The following ATXN2 variants were observed in gnomAD, a reference collection of about 807,000 sequenced individuals.
The protein encoded by ATXN2 is ataxin 2, also known as ataxin-2.
In ATXN2, 37 loss-of-function variants were observed where a neutral mutation model predicts 138.6. The observed-to-expected ratio is 0.27, with a 90% confidence interval of 0.21 to 0.35. The LOEUF is 0.35. Among genes scored for constraint, ATXN2 ranks in the 10% least tolerant of loss-of-function variants. ATXN2 has a pLI of 1.00. For synonymous variants in ATXN2, 549 were observed against 543.7 expected, an observed-to-expected ratio of 1.01 and a Z score of -0.13; for missense variants, 1,216 against 1,480.3, an observed-to-expected ratio of 0.82 and a Z score of 2.93.
chr12:111,456,751 T>A (rs563841485), intron 22 of ATXN2, among the ~76,000 whole-genome samples: 52 of 152,288 alleles, frequency 3.4e-4, no homozygotes, highest in East Asian at 1.4e-3. Context: ...TGATTTTTTT[T>A]AATTTTTTAT....
At chr12:111,545,529 A>G (rs1881758495) in intron 5 of ATXN2, among the ~76,000 whole-genome samples, 2 of 152,108 alleles carry the variant, frequency 1.3e-5, no homozygotes, top group African/African-American at 4.8e-5. Context: ...ACGCCACTGC[A>G]CTTCAGCCTG....
At chr12:111,476,384 G>A (rs1876815540) in intron 18 of ATXN2, among the ~76,000 whole-genome samples, 2 of 151,642 alleles carry the variant, frequency 1.3e-5, no homozygotes, top group African/African-American at 4.8e-5. Context: ...AATAGTGAAA[G>A]ACAATGTCTC....
chr12:111,599,626 G>A (rs558921374), upstream of ATXN2: 24 of 1,079,872 alleles, frequency 2.2e-5, no homozygotes, highest in South Asian at 6.7e-4. Flanking sequence ...CCCCGGGGCC[G>A]GGAGGGACAC....
intron 10 of ATXN2, 71 bp from the exon 11 acceptor site, chr12:111,513,610 C>G: frequency 2.2e-6 from 3 of 1,365,188 alleles, no homozygotes; most frequent in East Asian, 4.9e-5. Flanking sequence ...GCTAAATACA[C>G]CCATTCACAC....
intron 1 of ATXN2, among the ~76,000 whole-genome samples, chr12:111,565,272 G>A (rs1566067421): frequency 6.6e-6 from 1 of 152,056 alleles, no homozygotes; most frequent in African/African-American, 2.4e-5. Context: ...TTTTTGACAA[G>A]CTGACCGTCT....
At chr12:111,553,464 A>G (rs1008290409) in intron 3 of ATXN2, among the ~76,000 whole-genome samples, 1 of 150,922 alleles carries the variant, frequency 6.6e-6, no homozygotes, top group African/African-American at 2.4e-5. Flanking sequence ...GTAATACCTA[A>G]TATAATGTAA....
rs376400619 is a variant in ATXN2 at position 111,496,766 on chromosome 12, T to G, written c.1936-7986A>C. On this transcript the variant is annotated intron_variant, in intron 14 of 24. Coordinates refer to ENST00000673436, the MANE Select transcript of ATXN2 (RefSeq NM_001372574.1). ...ACAATAAGAGGAATGTTTACAGCAGTAAGTGCCTACATCAAAAAAGTGGAA... is the reference window on the plus strand; with the variant it reads ...ACAATAAGAGGAATGTTTACAGCAGGAAGTGCCTACATCAAAAAAGTGGAA... Among the ~76,000 whole-genome samples the G allele has an allele frequency of 3.9e-5, 6 of 152,094 alleles. 1 individual carries two copies. In the South Asian group the frequency reaches 1.2e-3, roughly 32 times the overall value.
chr12:111,587,073 CAAAAAAAA>C (rs374631048), intron 1 of ATXN2, among the ~76,000 whole-genome samples: 17 of 112,886 alleles, frequency 1.5e-4, no homozygotes, highest in Non-Finnish European at 3.0e-4. Context: ...CCATTTCTAC[CAAAAAAAA>C]AAAAAAAAAA....
intron 14 of ATXN2, among the ~76,000 whole-genome samples, chr12:111,507,750 C>T (rs952509851): frequency 6.6e-6 from 1 of 152,242 alleles, no homozygotes; most frequent in African/African-American, 2.4e-5. Flanking sequence ...ATTGAGAAAT[C>T]GGATGGTTGC....
At chr12:111,460,613 T>A (rs1467713283) in intron 21 of ATXN2, among the ~76,000 whole-genome samples, 1 of 151,814 alleles carries the variant, frequency 6.6e-6, no homozygotes, top group Non-Finnish European at 1.5e-5. Flanking sequence ...ATTCAAGAAA[T>A]TTTGTACTAA....
chr12:111,453,488 G>C lies in ATXN2; in HGVS notation c.3439+189C>G, dbSNP rs904908239. The stretch of plus-strand genomic sequence containing the variant: ...CCTGTATACCATCAGAACACACACA[G>C]ACTCGGCTCCCGGAAGCCTCAGGCC... On this transcript the variant is annotated intron_variant, in intron 24 of 24. Coordinates refer to ENST00000673436, the MANE Select transcript of ATXN2 (RefSeq NM_001372574.1). The surrounding 1 kb of genome is among the most constrained non-coding windows in gnomAD (Gnocchi z 5.4). 16 of 1,335,396 alleles carry C rather than the reference G, an allele frequency of 1.2e-5. No individual in the cohort carries two copies. Among genetic ancestry groups the C allele is most frequent in the Non-Finnish European group, 1.3e-5 (14 of 1,046,574 alleles). 82.7% of individuals were successfully genotyped at this position (1,335,396 alleles called of 1,614,324 possible). A position where few individuals can be genotyped will look rare whatever the true frequency, so the allele number is the denominator to read the frequency against.
chr12:111,498,100 C>A (rs1366999496), intron 14 of ATXN2, among the ~76,000 whole-genome samples: 1 of 151,988 alleles, frequency 6.6e-6, no homozygotes, highest in African/African-American at 2.4e-5. Flanking sequence ...ATGACAGACC[C>A]ATAACTAGTA....
chr12:111,536,651 T>C (rs1471951025), intron 5 of ATXN2, among the ~76,000 whole-genome samples: 1 of 151,852 alleles, frequency 6.6e-6, no homozygotes, highest in Admixed American at 6.6e-5. Context: ...AGCCCAACAG[T>C]TATGTAAAAG....
At chr12:111,584,388 A>C (rs1884202014) in intron 1 of ATXN2, among the ~76,000 whole-genome samples, 1 of 138,372 alleles carries the variant, frequency 7.2e-6, no homozygotes, top group Admixed American at 7.0e-5. Flanking sequence ...AAAAAAAAAA[A>C]AAAAAAAAAA....
At chr12:111,567,728 C>A (rs1050664836) in intron 1 of ATXN2, among the ~76,000 whole-genome samples, 1 of 151,782 alleles carries the variant, frequency 6.6e-6, no homozygotes, top group South Asian at 2.1e-4. Context: ...ACAAGAGAAT[C>A]GCTTCAACTC....
At chr12:111,518,726 T>C (rs903765128) in intron 8 of ATXN2, among the ~76,000 whole-genome samples, 2 of 152,176 alleles carry the variant, frequency 1.3e-5, no homozygotes, top group Non-Finnish European at 2.9e-5. Flanking sequence ...TTCACAACAT[T>C]TTTTGTCCTT....
intron 18 of ATXN2, among the ~76,000 whole-genome samples, chr12:111,473,264 A>G (rs1426533167): frequency 6.7e-6 from 1 of 149,882 alleles, no homozygotes; most frequent in East Asian, 2.0e-4. Context: ...ACAGAGCCAG[A>G]CCTTGTCTCC....
intron 10 of ATXN2, among the ~76,000 whole-genome samples, chr12:111,514,972 GTTT>G (rs532816127): frequency 2.4e-3 from 358 of 152,274 alleles, no homozygotes; most frequent in African/African-American, 8.4e-3. Flanking sequence ...TAATGATCAT[GTTT>G]TATTTAATAT....
intron 5 of ATXN2, among the ~76,000 whole-genome samples, chr12:111,543,221 C>G (rs1246077346): frequency 2.0e-5 from 3 of 152,096 alleles, no homozygotes; most frequent in African/African-American, 7.2e-5. Context: ...AAGTTGAGGC[C>G]GTAAACAGCT....
Sources: allele counts gnomAD v4.1 joint callset (sites outside exome capture counted in the v4.1 genomes callset), GRCh38; gene constraint gnomAD v4.1.1; non-coding constraint Gnocchi (gnomAD v3.1); transcripts MANE v1.5; gene names NCBI Gene and HGNC (gene_info 2026-07-23, HGNC 2026-07-21).